SAV1: variants seen among roughly 807,000 people sequenced by gnomAD.
SAV1 encodes the protein protein salvador homolog 1.
A neutral mutation model predicts 47.3 loss-of-function variants in SAV1; 23 were observed. The ratio of observed to expected loss-of-function variants is 0.49; its 90% CI spans 0.35 to 0.69. The LOEUF (loss-of-function observed/expected upper bound fraction) is 0.69, where lower values mean the gene tolerates loss of function less well. SAV1 is among the 30% of genes least tolerant of loss of function. The pLI is 0.01. For missense variants in SAV1, 448 were observed against 457.4 expected (o/e 0.98, Z 0.19); for synonymous variants, 155 against 159.2 (o/e 0.97, Z 0.20).
chr14:50,645,069 A>G, intron 2 of SAV1, 55 bp from the exon 3 acceptor site: 1 of 1,504,780 alleles, frequency 6.6e-7, no homozygotes, highest in Non-Finnish European at 8.9e-7. Flanking sequence ...TCAATGCAAA[A>G]AATGTGCCAG....
rs2140244594 is a variant in SAV1 at position 50,633,805 on chromosome 14, T to C, written c.*1378A>G. The stretch of plus-strand genomic sequence containing the variant: ...TTTACATATTTACAACACATGTAAA[T>C]ATAACTGAAGAACTACTTCAAATAA... On this transcript the variant is annotated 3_prime_UTR_variant, in exon 5 of 5. Coordinates refer to ENST00000324679, the MANE Select transcript of SAV1 (RefSeq NM_021818.4). 6.5e-6 allele frequency: 1 copy of C among 154,646 alleles called. No individual in the cohort carries two copies. Among genetic ancestry groups the C allele is most frequent in the Middle Eastern group, 3.4e-3 (1 of 298 alleles). 9.6% of individuals were successfully genotyped at this position (154,646 alleles called of 1,614,324 possible). A position where few individuals can be genotyped will look rare whatever the true frequency, so the allele number is the denominator to read the frequency against.
intron 3 of SAV1, 97 bp from the exon 4 acceptor site, chr14:50,640,990 C>T: frequency 2.6e-6 from 3 of 1,169,582 alleles, no homozygotes; most frequent in South Asian, 3.6e-5. Flanking sequence ...TTTCAGTGTG[C>T]CTTCTGTCCA....
At position 50,668,286 on chromosome 14, in the gene SAV1, C is replaced by G. The variant is rs1004974782; in HGVS notation, c.-319G>C. 3 of 174,252 alleles carry G rather than the reference C, an allele frequency of 1.7e-5. No homozygotes were observed. The highest frequency in any genetic ancestry group is 7.1e-5 in the African/African-American group (3 of 42,124). The allele number at this position is 174,252 out of a possible 1,614,324, so 10.8% of individuals were successfully genotyped here. A position where few individuals can be genotyped will look rare whatever the true frequency, so the allele number is the denominator to read the frequency against. Reference sequence around the variant, plus strand: ...GCCAGGGCCATGGTCCGCCGCGGGCCGCCGAATAACCGCTACCACTACCGC... The same window carrying G: ...GCCAGGGCCATGGTCCGCCGCGGGCGGCCGAATAACCGCTACCACTACCGC... On this transcript the variant is annotated 5_prime_UTR_variant, in exon 1 of 5. Coordinates refer to ENST00000324679, the MANE Select transcript of SAV1 (RefSeq NM_021818.4).
At chr14:50,639,522 C>A (rs1268143496) in intron 4 of SAV1, among the ~76,000 whole-genome samples, 1 of 152,142 alleles carries the variant, frequency 6.6e-6, no homozygotes, top group Non-Finnish European at 1.5e-5. Flanking sequence ...AAGTATAGTA[C>A]TTGCTCCCTT....
At chr14:50,655,367 C>A (rs76925193) in intron 2 of SAV1, among the ~76,000 whole-genome samples, 1,542 of 151,818 alleles carry the variant, frequency 0.01, 23 homozygotes, top group African/African-American at 0.035. Flanking sequence ...ACAGAGCTTC[C>A]CTCAGGAAAT....
intron 2 of SAV1, among the ~76,000 whole-genome samples, chr14:50,653,845 GCAA>G (rs2039790674): frequency 6.7e-6 from 1 of 150,268 alleles, no homozygotes; most frequent in African/African-American, 2.5e-5. Flanking sequence ...CTCCAACCTG[GCAA>G]CAGAGTGAGA....
At chr14:50,667,353 G>T (rs915973523) in intron 1 of SAV1, 1 of 451,810 alleles carries the variant, frequency 2.2e-6, no homozygotes, top group African/African-American at 2.0e-5. Flanking sequence ...TTTGGGTGGC[G>T]GCTACAAGAA....
At chr14:50,655,458 G>A (rs74734414) in intron 2 of SAV1, among the ~76,000 whole-genome samples, 1 of 146,792 alleles carries the variant, frequency 6.8e-6, no homozygotes, top group East Asian at 2.0e-4. Flanking sequence ...ACAGAGTCTA[G>A]CCTCGTCCCC....
At chr14:50,642,182 T>C (rs1052309893) in intron 3 of SAV1, among the ~76,000 whole-genome samples, 4 of 152,004 alleles carry the variant, frequency 2.6e-5, no homozygotes, top group Admixed American at 2.0e-4. Context: ...AAGGGAACAA[T>C]AAACATTGAG....
At chr14:50,637,653 C>A (rs1595633189) in intron 4 of SAV1, 3 of 129,406 alleles carry the variant, frequency 2.3e-5, no homozygotes, top group East Asian at 2.3e-4. Context: ...AATCTTCAAA[C>A]AATTTTGTCA....
At chr14:50,659,636 C>T (rs2039842051) in intron 2 of SAV1, among the ~76,000 whole-genome samples, 1 of 152,162 alleles carries the variant, frequency 6.6e-6, no homozygotes, top group Non-Finnish European at 1.5e-5. Flanking sequence ...ATTGCTTGAG[C>T]TTGGGAGTTT....
chr14:50,637,063 A>G (rs1402150518), intron 4 of SAV1, among the ~76,000 whole-genome samples: 1 of 152,228 alleles, frequency 6.6e-6, no homozygotes, highest in Non-Finnish European at 1.5e-5. Flanking sequence ...GAGCCACTAT[A>G]CTTGGCATTT....
intron 2 of SAV1, among the ~76,000 whole-genome samples, chr14:50,646,412 G>A (rs914265937): frequency 2.0e-5 from 3 of 152,052 alleles, no homozygotes; most frequent in South Asian, 4.1e-4. Context: ...CCGGCCGAGC[G>A]CAGTGGCTCA....
At chr14:50,664,216 A>G (rs1037249049) in intron 2 of SAV1, 6 of 152,262 alleles carry the variant, frequency 3.9e-5, no homozygotes, top group Non-Finnish European at 7.3e-5. Flanking sequence ...CAGAAAGCAG[A>G]GACCAACAGA....
In SAV1 at chr14:50,667,923, G is replaced by T; in HGVS notation, c.45C>A (p.Ala15=). The part of the protein sequence containing the change: ...KKTKNEVSKP[A]EVQGKYVKKE... ...TCTTCACGTACTTCCCCTGCACCTC[G>T]GCCGGCTTGGACACTTCGTTTTTGG... is the stretch of plus-strand genomic sequence containing the variant. Residue 15 remains alanine (A), a synonymous_variant, in exon 1 of 5, where the codon GCC becomes GCA. Transcript: ENST00000324679. The T allele has an allele frequency of 6.2e-7, 1 of 1,612,918 alleles. No individual in the cohort carries two copies. Among genetic ancestry groups the T allele is most frequent in the Non-Finnish European group, 8.5e-7 (1 of 1,179,532 alleles).
chr14:50,649,387 T>A (rs926451174), intron 2 of SAV1, among the ~76,000 whole-genome samples: 2 of 152,234 alleles, frequency 1.3e-5, no homozygotes, highest in African/African-American at 4.8e-5. Context: ...TCTAGAACAG[T>A]GTCTACAGAA....
At chr14:50,666,982 TAATACTTAA>T (rs938707348) in intron 1 of SAV1, among the ~76,000 whole-genome samples, 7 of 151,878 alleles carry the variant, frequency 4.6e-5, no homozygotes, top group Non-Finnish European at 7.4e-5. Flanking sequence ...CAATATGAGG[TAATACTTAA>T]GTCACAAGGT....
At chr14:50,651,726 A>T (rs910626903) in intron 2 of SAV1, among the ~76,000 whole-genome samples, 1 of 152,110 alleles carries the variant, frequency 6.6e-6, no homozygotes, top group African/African-American at 2.4e-5. Flanking sequence ...TCCTGGGCTC[A>T]AGCAATCCTC....
In SAV1 at chr14:50,633,673, T is replaced by C. The variant is rs976409116; in HGVS notation, c.*1510A>G. 6.5e-6 allele frequency: 1 copy of C among 152,720 alleles called. No individual in the cohort carries two copies. The highest frequency in any genetic ancestry group is 1.5e-5 in the Non-Finnish European group (1 of 68,090). 9.5% of individuals were successfully genotyped at this position (152,720 alleles called of 1,614,324 possible). On this transcript the variant is annotated 3_prime_UTR_variant, in exon 5 of 5. Coordinates refer to ENST00000324679, the MANE Select transcript of SAV1 (RefSeq NM_021818.4). ...AAATATATTTAATAAGCTTGTTATATAAAATCAAACACTTAACATTGTCAA... is the reference window on the plus strand; with the variant it reads ...AAATATATTTAATAAGCTTGTTATACAAAATCAAACACTTAACATTGTCAA...
Sources: gnomAD v4.1 joint callset for allele counts (sites outside exome capture counted in the v4.1 genomes callset) on GRCh38, gnomAD v4.1.1 for gene constraint, MANE v1.5 for transcripts, NCBI Gene and HGNC (gene_info 2026-07-23, HGNC 2026-07-21) for gene names.